MYOCOS: variants seen among roughly 807,000 people sequenced by gnomAD.
MYOCOS encodes the protein myocilin opposite strand, also known as myocilin opposite strand protein.
intron 1 of MYOCOS, among the ~76,000 whole-genome samples, chr1:171,604,776 C>T (rs932261456): frequency 6.6e-6 from 1 of 152,122 alleles, no homozygotes; most frequent in Admixed American, 6.5e-5. Flanking sequence ...TGTGTCAATA[C>T]TAGTCTTGTG....
At chr1:171,614,106 A>C (rs928589552) in intron 1 of MYOCOS, among the ~76,000 whole-genome samples, 6 of 152,234 alleles carry the variant, frequency 3.9e-5, no homozygotes, top group African/African-American at 1.4e-4. Flanking sequence ...ATTCAACACC[A>C]GGCAAAAATT....
chr1:171,617,419 A>G (rs998129679), upstream of MYOCOS, among the ~76,000 whole-genome samples: 3 of 152,146 alleles, frequency 2.0e-5, no homozygotes, highest in African/African-American at 7.2e-5. Flanking sequence ...TTATGAGTAT[A>G]GGAAAATAAG....
chr1:171,620,708 C>T (rs1161791415), upstream of MYOCOS, among the ~76,000 whole-genome samples: 1 of 152,078 alleles, frequency 6.6e-6, no homozygotes, highest in Non-Finnish European at 1.5e-5. Context: ...GGAAGCTCCC[C>T]CTCCACTGCA....
At chr1:171,603,777 A>G (rs1195779066) in intron 1 of MYOCOS, among the ~76,000 whole-genome samples, 1 of 152,240 alleles carries the variant, frequency 6.6e-6, no homozygotes, top group Non-Finnish European at 1.5e-5. Context: ...CTATCTCTCA[A>G]AACAACTAGA....
intron 1 of MYOCOS, among the ~76,000 whole-genome samples, chr1:171,611,870 TA>T (rs112743953): frequency 0.076 from 11,487 of 151,224 alleles, 1,435 homozygotes; most frequent in African/African-American, 0.26. Flanking sequence ...TCTGGATCCC[TA>T]AAAAAAAATC....
rs372374607 is a variant in MYOCOS, at chr1:171,613,227, C to CT, written c.-251-1567dup. Among the ~76,000 whole-genome samples, 451 of 152,262 alleles carry CT rather than the reference C, an allele frequency of 3.0e-3. 1 individual carries two copies. Among genetic ancestry groups the CT allele is most frequent in the African/African-American group, 0.01 (436 of 41,560 alleles). ...CCTTCCTCCTGAGGACCCGATTTATCTTTTACTCAGTGGGTTCTGAGTCCA... is the reference window on the plus strand; with the variant it reads ...CCTTCCTCCTGAGGACCCGATTTATCTTTTTACTCAGTGGGTTCTGAGTCCA... On this transcript the variant is annotated intron_variant, in intron 1 of 3. Coordinates refer to the MYOCOS transcript ENST00000636697.
At chr1:171,610,580 G>C (rs1652336756) in intron 1 of MYOCOS, among the ~76,000 whole-genome samples, 2 of 152,214 alleles carry the variant, frequency 1.3e-5, no homozygotes, top group South Asian at 4.1e-4. Flanking sequence ...GAGGAAGAGA[G>C]AGAGAGAGAG....
At chr1:171,616,624 T>G (rs1170591446) in intron 2 of MYOCOS, among the ~76,000 whole-genome samples, 1 of 151,706 alleles carries the variant, frequency 6.6e-6, no homozygotes, top group East Asian at 1.9e-4. Context: ...TGATCAGGAG[T>G]TCAGTCTTGG....
upstream of MYOCOS, among the ~76,000 whole-genome samples, chr1:171,619,449 T>G (rs369474255): frequency 3.9e-5 from 6 of 152,214 alleles, no homozygotes; most frequent in South Asian, 1.2e-3. Flanking sequence ...TCGACGTATC[T>G]GAACTACAAC....
chr1:171,602,117 G>GTGTTA (rs1652155057), intron 1 of MYOCOS, among the ~76,000 whole-genome samples: 1 of 151,842 alleles, frequency 6.6e-6, no homozygotes, highest in South Asian at 2.1e-4. Context: ...TATGTAAAGA[G>GTGTTA]TGTTATATGG....
chr1:171,616,829 G>A (rs1036679120), intron 2 of MYOCOS, among the ~76,000 whole-genome samples: 2 of 152,180 alleles, frequency 1.3e-5, no homozygotes, highest in African/African-American at 4.8e-5. Context: ...GCGACTCAGT[G>A]AGTTTAGAGC....
At chr1:171,621,848 A>G (rs1652582665), upstream of MYOCOS, among the ~76,000 whole-genome samples, 1 of 152,156 alleles carries the variant, frequency 6.6e-6, no homozygotes, top group African/African-American at 2.4e-5. Context: ...TAATTACAAT[A>G]GTAATAATAC....
chr1:171,621,576 C>T (rs1477998916), upstream of MYOCOS, among the ~76,000 whole-genome samples: 2 of 151,964 alleles, frequency 1.3e-5, no homozygotes, highest in Admixed American at 6.5e-5. Flanking sequence ...GGGGTTTCGC[C>T]GTGTTAGCCA....
At chr1:171,607,332 T>A (rs1363826572) in intron 1 of MYOCOS, among the ~76,000 whole-genome samples, 1 of 152,226 alleles carries the variant, frequency 6.6e-6, no homozygotes, top group Non-Finnish European at 1.5e-5. Flanking sequence ...TCTGTACTTA[T>A]CAGAAAGCTG....
At chr1:171,606,654 G>C (rs532378131) in intron 1 of MYOCOS, among the ~76,000 whole-genome samples, 5 of 152,292 alleles carry the variant, frequency 3.3e-5, no homozygotes, top group African/African-American at 1.2e-4. Context: ...AATCAATCAC[G>C]ACCCTTTCAT....
At chr1:171,608,408 CTTTTTTTTTTT>C (rs34773729) in intron 1 of MYOCOS, among the ~76,000 whole-genome samples, 10 of 51,364 alleles carry the variant, frequency 1.9e-4, no homozygotes, top group Admixed American at 8.6e-4. Context: ...GGGAACCAGA[CTTTTTTTTTTT>C]TTTTTTTTTT....
At chr1:171,601,503 C>T (rs970786490) in intron 1 of MYOCOS, among the ~76,000 whole-genome samples, 7 of 151,072 alleles carry the variant, frequency 4.6e-5, no homozygotes, top group African/African-American at 1.7e-4. Flanking sequence ...AAAAATAGGT[C>T]AGGTGCAAAG....
intron 1 of MYOCOS, among the ~76,000 whole-genome samples, chr1:171,606,101 C>A (rs929049152): frequency 7.2e-5 from 11 of 152,142 alleles, no homozygotes; most frequent in African/African-American, 2.2e-4. Context: ...TATTTCCCAG[C>A]ACTAAGAGGA....
chr1:171,605,973 T>A (rs1204893376), intron 1 of MYOCOS, among the ~76,000 whole-genome samples: 1 of 152,174 alleles, frequency 6.6e-6, no homozygotes, highest in Non-Finnish European at 1.5e-5. Flanking sequence ...CTAATTGTTG[T>A]CTAAACATAA....
Sources: allele counts gnomAD v4.1 joint callset (sites outside exome capture counted in the v4.1 genomes callset), GRCh38; gene constraint gnomAD v4.1.1; transcripts MANE v1.5; gene names NCBI Gene and HGNC (gene_info 2026-07-23, HGNC 2026-07-21).